Variants in KIFAP3 observed in about 807,000 individuals in gnomAD.
KIFAP3 encodes the protein kinesin associated protein 3.
Under a neutral mutation model 106.5 loss-of-function variants are expected in KIFAP3, and 68 were observed. That is an observed-to-expected ratio of 0.64 (90% CI 0.53 to 0.78). The LOEUF (loss-of-function observed/expected upper bound fraction) is 0.78. KIFAP3 is among the 30% of genes least tolerant of loss of function. The pLI is 0.00. For missense variants in KIFAP3, 780 were observed against 941.8 expected (o/e 0.83, Z 2.25); for synonymous variants, 320 against 311.5 (o/e 1.03, Z -0.29).
intron 15 of KIFAP3, among the ~76,000 whole-genome samples, chr1:169,979,083 A>T (rs1666375333): frequency 1.3e-5 from 2 of 152,166 alleles, no homozygotes. Context: ...CTCATGTCAG[A>T]GAACACCAAA....
Position 170,059,529 on chromosome 1 carries a change from C to T in KIFAP3, c.33-4093G>A, listed in dbSNP as rs573379971. ...TGAAATTGAGGCAATAATTAATAGC[C>T]TACCAACCAAAAAAAGTCCAGGACC... is the stretch of plus-strand genomic sequence containing the variant. On this transcript the variant is annotated intron_variant, in intron 1 of 19. Coordinates refer to ENST00000361580, the MANE Select transcript of KIFAP3 (RefSeq NM_014970.4). Among the ~76,000 whole-genome samples, 5 of 152,168 alleles carry T rather than the reference C, an allele frequency of 3.3e-5. No individual in the cohort carries two copies. In the East Asian group the frequency reaches 5.8e-4, roughly 18 times the overall value.
intron 5 of KIFAP3, among the ~76,000 whole-genome samples, chr1:170,036,297 TACTC>T (rs1669692219): frequency 6.6e-6 from 1 of 152,108 alleles, no homozygotes; most frequent in African/African-American, 2.4e-5. Context: ...TCTTAATAGA[TACTC>T]AGGATTTACA....
Position 170,079,865 on chromosome 1 carries a change from AT to A in KIFAP3, n.174+5169del, listed in dbSNP as rs563050888. ...ATGTAAATTGCTTTGGCTAGTATGG[AT>A]TTTTTTTTAACAATATGAAGTCTTC... On this transcript the variant is annotated intron_variant and non_coding_transcript_variant, in intron 1 of 5. Coordinates refer to the KIFAP3 transcript ENST00000490550. Among the ~76,000 whole-genome samples, 1,294 of 150,718 alleles carry A rather than the reference AT, an allele frequency of 8.6e-3. 24 individuals carry two copies. The highest frequency in any genetic ancestry group is 0.028 in the African/African-American group (1,166 of 41,136).
intron 2 of KIFAP3, among the ~76,000 whole-genome samples, chr1:170,050,814 A>G (rs693673): frequency 0.76 from 115,926 of 152,024 alleles, 44,646 homozygotes; most frequent in East Asian, 0.99. Context: ...GTCACAACCA[A>G]GCCTGCCTTA....
At position 170,074,453 on chromosome 1, in the gene KIFAP3, G is replaced by T; in HGVS notation, c.15C>A (p.Asp5Glu). The stretch of plus-strand genomic sequence containing the variant: ...GTCGTCACCTTTTGAGGTATCTGGC[G>T]TCCTCCCCTTGCATGGCGGCAGCGG... MQGE[D>E]ARYLKRKVKG... The change falls in exon 1 of 20, where the codon GAC (aspartate) becomes GAA (glutamate). Residue 5 changes from aspartate to glutamate, a missense_variant. Physicochemically the swap from Asp to Glu is conservative, Grantham distance 45 (BLOSUM62 2). Coordinates refer to ENST00000361580, the MANE Select transcript of KIFAP3 (RefSeq NM_014970.4). 6.2e-7 allele frequency: 1 copy of T among 1,614,066 alleles called. No homozygotes were observed. The highest frequency in any genetic ancestry group is 8.5e-7 in the Non-Finnish European group (1 of 1,179,982).
chr1:169,976,571 T>C (rs145334660), intron 16 of KIFAP3, among the ~76,000 whole-genome samples: 5 of 152,324 alleles, frequency 3.3e-5, no homozygotes, highest in African/African-American at 1.2e-4. Context: ...TTATAAACCA[T>C]ATTAAAAATA....
rs1487984809 is a variant in KIFAP3 at position 170,074,453 on chromosome 1, G to C, written c.15C>G (p.Asp5Glu). Residue 5 changes from aspartate to glutamate, a missense_variant, in exon 1 of 20, where the codon GAC becomes GAG. Physicochemically the swap from Asp to Glu is conservative, Grantham distance 45. Coordinates refer to ENST00000361580, the MANE Select transcript of KIFAP3 (RefSeq NM_014970.4). ...GTCGTCACCTTTTGAGGTATCTGGC[G>C]TCCTCCCCTTGCATGGCGGCAGCGG... MQGE[D>E]ARYLKRKVKG... The C allele has an allele frequency of 6.2e-6, 10 of 1,613,948 alleles. No homozygotes were observed. The South Asian group carries it at 7.7e-5, about 12-fold the overall frequency.
At chr1:170,026,557 C>T (rs1669111782) in intron 8 of KIFAP3, among the ~76,000 whole-genome samples, 1 of 152,050 alleles carries the variant, frequency 6.6e-6, no homozygotes, top group South Asian at 2.1e-4. Flanking sequence ...GGAGATGAAG[C>T]CAAGAATCCA....
Position 169,982,043 on chromosome 1 carries a change from G to C in KIFAP3, c.1727C>G (p.Ser576Cys). 6.2e-7 allele frequency: 1 copy of C among 1,613,136 alleles called. No homozygotes were observed. The highest frequency in any genetic ancestry group is 8.5e-7 in the Non-Finnish European group (1 of 1,179,196). Residue 576 changes from serine (S) to cysteine (C), a missense_variant, in exon 15 of 20, where the codon TCC becomes TGC. This residue lies in a region of KIFAP3 where 588 missense variants were observed against 678.9 expected (regional missense o/e 0.87). Coordinates refer to ENST00000361580, the MANE Select transcript of KIFAP3 (RefSeq NM_014970.4). ...LEVVIMIGTV[S>C]MDDSCAALLA... ...CAATGCAGCACAAGAGTCATCCATG[G>C]ATACAGTTCCAATCATTATAACCAC...
At chr1:169,989,778 A>G (rs1667009651) in intron 11 of KIFAP3, among the ~76,000 whole-genome samples, 1 of 152,100 alleles carries the variant, frequency 6.6e-6, no homozygotes, top group Non-Finnish European at 1.5e-5. Flanking sequence ...TCAATTTTTT[A>G]AATACATGTA....
chr1:170,081,905 C>A (rs1398293328), intron 1 of KIFAP3, among the ~76,000 whole-genome samples: 2 of 152,260 alleles, frequency 1.3e-5, no homozygotes, highest in East Asian at 1.9e-4. Context: ...GCCACAATAC[C>A]TACCACCATA....
At position 169,997,593 on chromosome 1, in the gene KIFAP3, G is replaced by A. The variant is rs74458980; in HGVS notation, c.1184-5338C>T. 4.6e-3 allele frequency among the ~76,000 whole-genome samples: 705 copies of A among 152,078 alleles called. 45 individuals carry two copies. The East Asian group carries it at 0.11, about 25-fold the overall frequency. ...TCCTATAAAGCTCTGCTGTTTGGCCGGACACAGAGGTTCATGCCTGTAATC... is the reference window on the plus strand; with the variant it reads ...TCCTATAAAGCTCTGCTGTTTGGCCAGACACAGAGGTTCATGCCTGTAATC... On this transcript the variant is annotated intron_variant, in intron 10 of 19. Transcript: ENST00000361580.
rs113852563 is a variant in KIFAP3 at position 170,023,206 on chromosome 1, C to T, written c.1020+1212G>A. Among the ~76,000 whole-genome samples the T allele has an allele frequency of 2.7e-4, 41 of 151,968 alleles. 1 individual carries two copies. Among genetic ancestry groups the T allele is most frequent in the African/African-American group, 7.0e-4 (29 of 41,496 alleles). ...AAATATATACTGATAATGAAAATGA[C>T]AGATACTAAATATATAGGGGAAAAA... On this transcript the variant is annotated intron_variant, in intron 9 of 19. Coordinates refer to ENST00000361580, the MANE Select transcript of KIFAP3 (RefSeq NM_014970.4).
chr1:170,062,605 T>A (rs1671239602), intron 1 of KIFAP3, among the ~76,000 whole-genome samples: 2 of 152,190 alleles, frequency 1.3e-5, no homozygotes. Flanking sequence ...TATATTATTT[T>A]TGTATTTTTG....
intron 9 of KIFAP3, 57 bp from the exon 10 acceptor site, chr1:170,016,681 G>T (rs983079649): frequency 9.6e-6 from 10 of 1,042,264 alleles, no homozygotes; most frequent in South Asian, 1.9e-5. Context: ...AGGACAAAAA[G>T]AATATAATTA....
At chr1:169,944,521 G>A (rs549155394) in intron 19 of KIFAP3, among the ~76,000 whole-genome samples, 1 of 152,244 alleles carries the variant, frequency 6.6e-6, no homozygotes, top group East Asian at 1.9e-4. Context: ...TGGTGAGTGG[G>A]GGCGACGTGT....
upstream of KIFAP3, among the ~76,000 whole-genome samples, chr1:170,076,641 T>C (rs950692185): frequency 3.5e-4 from 53 of 152,216 alleles, no homozygotes; most frequent in African/African-American, 1.3e-3. Context: ...TTTAATCTAA[T>C]GCTTTTGGAA....
intron 2 of KIFAP3, among the ~76,000 whole-genome samples, chr1:170,054,691 C>T (rs1765696): frequency 0.26 from 39,714 of 151,916 alleles, 6,116 homozygotes; most frequent in East Asian, 0.48. Flanking sequence ...CCATCATTCT[C>T]AACAAACTAA....
chr1:169,961,265 A>G, intron 17 of KIFAP3, 30 bp from the exon 18 acceptor site: 1 of 1,563,382 alleles, frequency 6.4e-7, no homozygotes, highest in East Asian at 2.2e-5. Context: ...AACTGTTATT[A>G]TATAAGCTAA....
Sources: allele counts gnomAD v4.1 joint callset (sites outside exome capture counted in the v4.1 genomes callset), GRCh38; gene constraint gnomAD v4.1.1; regional missense constraint gnomAD v4.1.1; transcripts MANE v1.5; gene names NCBI Gene and HGNC (gene_info 2026-07-23, HGNC 2026-07-21).